Variants in MYO1E observed in about 807,000 individuals in gnomAD.
The protein encoded by MYO1E is myosin IE, also known as unconventional myosin-Ie.
MYO1E carries 68 observed loss-of-function variants against 151.1 expected under a neutral mutation model. The observed-to-expected ratio is 0.45, with a 90% CI of 0.37 to 0.55. The LOEUF (loss-of-function observed/expected upper bound fraction) is 0.55. Among genes scored for constraint, MYO1E ranks in the 20% least tolerant of loss-of-function variants. The pLI, the probability that MYO1E is intolerant of heterozygous loss-of-function variation, is 0.00. For missense variants in MYO1E, 1,363 were observed against 1,389.3 expected, an observed-to-expected ratio of 0.98 and a Z score of 0.30; for synonymous variants, 601 against 501.7, an observed-to-expected ratio of 1.20 and a Z score of -2.64.
intron 1 of MYO1E, among the ~76,000 whole-genome samples, chr15:59,304,484 G>C (rs2080502976): frequency 1.3e-5 from 2 of 152,312 alleles, no homozygotes; most frequent in Admixed American, 1.3e-4. Context: ...CCAAAGCCCA[G>C]TGAAATTTTT....
chr15:59,310,304 A>C (rs1389561343), intron 1 of MYO1E, among the ~76,000 whole-genome samples: 1 of 152,238 alleles, frequency 6.6e-6, no homozygotes, highest in Non-Finnish European at 1.5e-5. Flanking sequence ...TGTTGCCTCC[A>C]AAAAAGACAT....
intron 12 of MYO1E, among the ~76,000 whole-genome samples, chr15:59,212,066 C>T (rs1313705520): frequency 5.9e-5 from 9 of 152,104 alleles, no homozygotes; most frequent in Admixed American, 5.9e-4. Context: ...AAAGTCTCAG[C>T]CATGCCCTGC....
intron 1 of MYO1E, among the ~76,000 whole-genome samples, chr15:59,337,868 T>C (rs914164967): frequency 5.9e-5 from 9 of 152,324 alleles, no homozygotes; most frequent in East Asian, 1.9e-4. Context: ...AGAGTTCTTA[T>C]AGGACAAAGT....
Position 59,136,918 on chromosome 15 carries a change from TCCCTGAAGG to T in MYO1E, c.*453_*461del. 5.5e-6 allele frequency: 2 copies of T among 364,086 alleles called. No homozygotes were observed. The highest frequency in any genetic ancestry group is 7.2e-5 in the Admixed American group (2 of 27,626). 22.6% of individuals were successfully genotyped at this position (364,086 alleles called of 1,614,324 possible). On this transcript the variant is annotated 3_prime_UTR_variant, in exon 28 of 28. Coordinates refer to ENST00000288235, the MANE Select transcript of MYO1E (RefSeq NM_004998.4). ...AGCCCAGTCTGCAGAGGGCGGGTCC[TCCCTGAAGG>T]AAGGTGGCAGAGAGGAATGTGTCTA... is the stretch of plus-strand genomic sequence containing the variant.
chr15:59,352,735 A>C (rs1401909261), intron 1 of MYO1E, among the ~76,000 whole-genome samples: 1 of 152,246 alleles, frequency 6.6e-6, no homozygotes, highest in Non-Finnish European at 1.5e-5. Flanking sequence ...ATTCTCTTCT[A>C]TTCAACAGTG....
chr15:59,211,092 T>A (rs773684983), intron 12 of MYO1E, among the ~76,000 whole-genome samples: 9 of 150,534 alleles, frequency 6.0e-5, no homozygotes, highest in Non-Finnish European at 1.0e-4. Flanking sequence ...CCCGGCTACT[T>A]GGGAGGCTGA....
intron 1 of MYO1E, among the ~76,000 whole-genome samples, chr15:59,287,984 A>T (rs1481352610): frequency 6.6e-6 from 1 of 152,256 alleles, no homozygotes; most frequent in East Asian, 1.9e-4. Context: ...AACAATGTGC[A>T]GCGAAGGCGC....
At chr15:59,351,955 C>G (rs1339464615) in intron 1 of MYO1E, among the ~76,000 whole-genome samples, 1 of 152,226 alleles carries the variant, frequency 6.6e-6, no homozygotes, top group Non-Finnish European at 1.5e-5. Context: ...CATTCTGGAT[C>G]TCTTTCTTCC....
At position 59,195,731 on chromosome 15, in the gene MYO1E, C is replaced by G. The variant is rs2306786; in HGVS notation, c.1699-164G>C. Among the ~76,000 whole-genome samples, 12,284 of 152,248 alleles carry G rather than the reference C, an allele frequency of 0.081. 561 individuals are homozygous for G. The highest frequency in any genetic ancestry group is 0.14 in the Middle Eastern group (42 of 294). On this transcript the variant is annotated intron_variant, in intron 16 of 27. Transcript: ENST00000288235. The stretch of plus-strand genomic sequence containing the variant: ...TCAGGTCTACTAAACTTTCCGAAAG[C>G]TTTGCCGACTTTTATGATGATTTTA...
At chr15:59,214,517 G>GT (rs1277201323) in intron 11 of MYO1E, 123 bp downstream of exon 11, 166 of 1,071,314 alleles carry the variant, frequency 1.5e-4, no homozygotes, top group Middle Eastern at 4.1e-4. Flanking sequence ...AGCCTGAGTT[G>GT]TTTTTTTTGT....
intron 1 of MYO1E, among the ~76,000 whole-genome samples, chr15:59,315,192 T>A (rs765700724): frequency 1.1e-4 from 17 of 152,106 alleles, no homozygotes; most frequent in Non-Finnish European, 2.4e-4. Context: ...CAGACCATGA[T>A]TTTTTTAAGT....
In MYO1E at chr15:59,372,659, G is replaced by A; in HGVS notation, c.-159C>T. On this transcript the variant is annotated 5_prime_UTR_variant, in exon 1 of 28. Coordinates refer to ENST00000288235, the MANE Select transcript of MYO1E (RefSeq NM_004998.4). The stretch of plus-strand genomic sequence containing the variant: ...CAGGAGCCAATGGGAACCCAGAGGG[G>A]ACTCCATCCAGGCGGGATTGGCGGT... 3.3e-6 allele frequency: 3 copies of A among 899,756 alleles called. No individual in the cohort carries two copies. The highest frequency in any genetic ancestry group is 4.9e-6 in the Non-Finnish European group (3 of 607,730). The allele number at this position is 899,756 out of a possible 1,614,324, so 55.7% of individuals were successfully genotyped here.
chr15:59,279,189 C>CCA (rs2080338912), intron 1 of MYO1E, among the ~76,000 whole-genome samples: 1 of 152,126 alleles, frequency 6.6e-6, no homozygotes, highest in Non-Finnish European at 1.5e-5. Context: ...TACCAAAGCT[C>CCA]ACTTCCAATA....
chr15:59,178,629 G>A, intron 18 of MYO1E, 92 bp from the exon 19 acceptor site: 2 of 1,490,440 alleles, frequency 1.3e-6, no homozygotes, highest in Non-Finnish European at 1.8e-6. Context: ...TGCTCTGAAG[G>A]TGCCCAGTGC....
At chr15:59,143,224 T>C (rs1429823839) in intron 26 of MYO1E, among the ~76,000 whole-genome samples, 1 of 152,300 alleles carries the variant, frequency 6.6e-6, no homozygotes, top group East Asian at 1.9e-4. Flanking sequence ...TGTAAGCCAT[T>C]TGGCCCTTTA....
intron 5 of MYO1E, 138 bp from the exon 6 acceptor site, chr15:59,231,929 C>A: frequency 1.3e-6 from 1 of 746,678 alleles, no homozygotes; most frequent in South Asian, 1.5e-5. Flanking sequence ...GGTGGGGTTT[C>A]TGGAGGATTT....
intron 1 of MYO1E, among the ~76,000 whole-genome samples, chr15:59,298,039 A>G (rs2080461206): frequency 6.6e-6 from 1 of 152,206 alleles, no homozygotes; most frequent in Non-Finnish European, 1.5e-5. Flanking sequence ...CATGATGTCC[A>G]GAGGTACATG....
chr15:59,144,818 T>A (rs1445839292), intron 26 of MYO1E, among the ~76,000 whole-genome samples: 2 of 152,130 alleles, frequency 1.3e-5, no homozygotes, highest in African/African-American at 4.8e-5. Context: ...GTGGCAATCC[T>A]GTGTCATTAA....
At chr15:59,139,861 C>G (rs1257752103) in intron 26 of MYO1E, among the ~76,000 whole-genome samples, 11 of 150,948 alleles carry the variant, frequency 7.3e-5, no homozygotes, top group African/African-American at 2.7e-4. Flanking sequence ...CCCTCCCACC[C>G]CCTCATTATT....
Sources: allele counts gnomAD v4.1 joint callset (sites outside exome capture counted in the v4.1 genomes callset), GRCh38; gene constraint gnomAD v4.1.1; transcripts MANE v1.5; gene names NCBI Gene and HGNC (gene_info 2026-07-23, HGNC 2026-07-21).